Variants in SLC7A2 observed in about 807,000 individuals in gnomAD.
SLC7A2 encodes the protein solute carrier family 7 member 2, also known as cationic amino acid transporter 2.
In SLC7A2, 48 loss-of-function variants were observed where a neutral mutation model predicts 58.9. The ratio of observed to expected loss-of-function variants is 0.82; its 90% CI spans 0.65 to 1.04. SLC7A2 has a LOEUF of 1.04. Among genes scored for constraint, SLC7A2 ranks in the 50% least tolerant of loss-of-function variants. The pLI, the probability that SLC7A2 is intolerant of heterozygous loss-of-function variation, is 0.00. For synonymous variants in SLC7A2, 363 were observed against 314.5 expected, an observed-to-expected ratio of 1.15 and a Z score of -1.63; for missense variants, 1,029 against 818.8, an observed-to-expected ratio of 1.26 and a Z score of -3.13.
At chr8:17,533,931 C>T (rs1422645755) in intron 2 of SLC7A2, among the ~76,000 whole-genome samples, 1 of 152,130 alleles carries the variant, frequency 6.6e-6, no homozygotes, top group East Asian at 1.9e-4. Context: ...CACCCCCTGA[C>T]AGGCCCCAGT....
intron 2 of SLC7A2, among the ~76,000 whole-genome samples, chr8:17,504,598 T>C (rs1374141705): frequency 2.0e-5 from 3 of 152,166 alleles, no homozygotes; most frequent in African/African-American, 7.2e-5. Context: ...CCATATATGT[T>C]CTCAGTTACT....
At chr8:17,554,365 T>C (rs1585257916) in intron 7 of SLC7A2, among the ~76,000 whole-genome samples, 195 bp from the exon 8 acceptor site, 1 of 152,280 alleles carries the variant, frequency 6.6e-6, no homozygotes, top group South Asian at 2.1e-4. Context: ...AATAGCACAA[T>C]GGTAAATATT....
In SLC7A2 at chr8:17,563,581, A is replaced by G. The variant is rs115824651; in HGVS notation, c.1672-22A>G. ...ATGCTTCAAAATATGAGTATGTTCA[A>G]AAGGATTGTTTTCCCCCTCAGGTTC... On this transcript the variant is annotated intron_variant, in intron 11 of 12. Transcript: ENST00000494857. 2,772 of 1,450,812 alleles carry G rather than the reference A, an allele frequency of 1.9e-3. 48 individuals carry two copies. The African/African-American group carries it at 0.036, about 19-fold the overall frequency. 89.9% of individuals were successfully genotyped at this position (1,450,812 alleles called of 1,614,324 possible).
chr8:17,543,430 T>C lies in SLC7A2; in HGVS notation c.91T>C (p.Cys31Arg). The C allele has an allele frequency of 6.2e-7, 1 of 1,614,190 alleles. No individual in the cohort carries two copies. Among genetic ancestry groups the C allele is most frequent in the East Asian group, 2.2e-5 (1 of 44,874 alleles). The stretch of plus-strand genomic sequence containing the variant: ...GGACAGTCTAGAAGACACCAAATTA[T>C]GCCGCTGCTTATCCACCATGGACCT... ...TLDSLEDTKL[C>R]RCLSTMDLIA... Residue 31 changes from cysteine (C) to arginine (R), a missense_variant, in exon 3 of 13, where the codon TGC becomes CGC. Physicochemically the swap from Cys to Arg is radical, Grantham distance 180. Coordinates refer to ENST00000494857, the MANE Select transcript of SLC7A2 (RefSeq NM_001370338.1).
chr8:17,541,093 C>A (rs894746847), intron 2 of SLC7A2, among the ~76,000 whole-genome samples: 2 of 152,102 alleles, frequency 1.3e-5, no homozygotes, highest in Non-Finnish European at 2.9e-5. Flanking sequence ...GTCTTTGTTT[C>A]TGAGCACTTT....
chr8:17,503,682 C>G (rs1461628759), intron 2 of SLC7A2, among the ~76,000 whole-genome samples: 1 of 152,148 alleles, frequency 6.6e-6, no homozygotes, highest in Non-Finnish European at 1.5e-5. Flanking sequence ...CAAATGGAAA[C>G]TCTTCATGAT....
intron 4 of SLC7A2, among the ~76,000 whole-genome samples, chr8:17,547,300 C>T (rs1802218489): frequency 6.6e-6 from 1 of 152,070 alleles, no homozygotes; most frequent in South Asian, 2.1e-4. Context: ...CTTTATAAAA[C>T]CATCAGATCT....
intron 2 of SLC7A2, among the ~76,000 whole-genome samples, chr8:17,504,936 G>C (rs759480068): frequency 6.6e-6 from 1 of 152,068 alleles, no homozygotes. Flanking sequence ...CCTTTACTCC[G>C]ATCTGCTGGC....
chr8:17,543,334 G>T lies in SLC7A2; in HGVS notation c.-6G>T. 5 of 1,608,176 alleles carry T rather than the reference G, an allele frequency of 3.1e-6. No individual in the cohort carries two copies. The highest frequency in any genetic ancestry group is 4.2e-6 in the Non-Finnish European group (5 of 1,177,122). ...TCTGCTCAGGTCGCCTTCGTCAGACGTCAGAATGATTCCTTGCAGAGCCGC... is the reference window on the plus strand; with the variant it reads ...TCTGCTCAGGTCGCCTTCGTCAGACTTCAGAATGATTCCTTGCAGAGCCGC... On this transcript the variant is annotated 5_prime_UTR_variant, in exon 3 of 13. Coordinates refer to ENST00000494857, the MANE Select transcript of SLC7A2 (RefSeq NM_001370338.1).
At position 17,543,561 on chromosome 8, in the gene SLC7A2, T is replaced by A. The variant is rs763089082; in HGVS notation, c.222T>A (p.Ile74=). 7 of 1,611,780 alleles carry A rather than the reference T, an allele frequency of 4.3e-6. No individual in the cohort carries two copies. In the African/African-American group the frequency reaches 9.3e-5, roughly 22 times the overall value. Residue 74 remains isoleucine (I), a synonymous_variant, in exon 3 of 13, where the codon ATT becomes ATA. Coordinates refer to ENST00000494857, the MANE Select transcript of SLC7A2 (RefSeq NM_001370338.1). ...CCAGCATCGTGGTGTCCTTCCTCATTGCTGCCCTGGCTTCAGTGATGGCTG... is the reference window on the plus strand; with the variant it reads ...CCAGCATCGTGGTGTCCTTCCTCATAGCTGCCCTGGCTTCAGTGATGGCTG... ...SGPSIVVSFL[I]AALASVMAGL...
At chr8:17,528,145 G>C (rs565025236) in intron 2 of SLC7A2, among the ~76,000 whole-genome samples, 3 of 152,132 alleles carry the variant, frequency 2.0e-5, no homozygotes, top group Admixed American at 6.5e-5. Flanking sequence ...AAGTGGAGGA[G>C]GAGGAAGCAG....
At chr8:17,511,577 C>A (rs1800606732) in intron 2 of SLC7A2, among the ~76,000 whole-genome samples, 1 of 152,192 alleles carries the variant, frequency 6.6e-6, no homozygotes, top group African/African-American at 2.4e-5. Context: ...AGATAGAATT[C>A]AGTCAGTTCA....
At chr8:17,496,345 T>TAC (rs368665433), upstream of SLC7A2, among the ~76,000 whole-genome samples, 5 of 151,952 alleles carry the variant, frequency 3.3e-5, no homozygotes, top group Non-Finnish European at 7.4e-5. Context: ...CACACACATA[T>TAC]ACACACACAC....
chr8:17,502,573 A>G (rs1275798730), intron 2 of SLC7A2, among the ~76,000 whole-genome samples: 1 of 152,200 alleles, frequency 6.6e-6, no homozygotes, highest in Non-Finnish European at 1.5e-5. Flanking sequence ...GGAGTTGAGT[A>G]TCACTGATTC....
At chr8:17,541,234 A>G (rs1479911912) in intron 2 of SLC7A2, among the ~76,000 whole-genome samples, 2 of 152,150 alleles carry the variant, frequency 1.3e-5, no homozygotes, top group Non-Finnish European at 2.9e-5. Flanking sequence ...GTTTTTATAT[A>G]ACTTTTTGCT....
intron 2 of SLC7A2, among the ~76,000 whole-genome samples, chr8:17,538,468 G>C (rs1399676840): frequency 6.6e-6 from 1 of 152,164 alleles, no homozygotes; most frequent in Admixed American, 6.5e-5. Flanking sequence ...TGCTAATCAA[G>C]GCTGAACAGT....
At chr8:17,544,815 C>T (rs938646441) in intron 4 of SLC7A2, among the ~76,000 whole-genome samples, 42 of 152,272 alleles carry the variant, frequency 2.8e-4, no homozygotes, top group African/African-American at 7.7e-4. Flanking sequence ...AAAAATAGCA[C>T]TTCTGAGTAA....
rs1437104423 is a variant in SLC7A2 at position 17,567,959 on chromosome 8, T to C, written c.*2813T>C. The C allele has an allele frequency of 6.6e-6, 1 of 152,098 alleles. No homozygotes were observed. The highest frequency in any genetic ancestry group is 2.4e-5 in the African/African-American group (1 of 41,420). 9.4% of individuals were successfully genotyped at this position (152,098 alleles called of 1,614,324 possible). On this transcript the variant is annotated 3_prime_UTR_variant, in exon 13 of 13. Transcript: ENST00000494857. ...GTAGGTGTTTATTAGCAAAAGTCAG[T>C]ATCACCAGCTCTTTGGCACCTTTCT...
intron 2 of SLC7A2, among the ~76,000 whole-genome samples, chr8:17,538,004 C>G (rs1801747188): frequency 6.6e-6 from 1 of 152,174 alleles, no homozygotes. Context: ...GTTGCCTTCA[C>G]TAAAGTGAAA....
Sources: allele counts gnomAD v4.1 joint callset (sites outside exome capture counted in the v4.1 genomes callset), GRCh38; gene constraint gnomAD v4.1.1; transcripts MANE v1.5; gene names NCBI Gene and HGNC (gene_info 2026-07-23, HGNC 2026-07-21).